The following GK5 variants were observed in gnomAD, a reference collection of about 807,000 sequenced individuals.
The protein encoded by GK5 is glycerol kinase 5.
GK5 carries 39 observed loss-of-function variants against 77.3 expected under a neutral mutation model. The ratio of observed to expected loss-of-function variants is 0.50; its 90% confidence interval spans 0.39 to 0.66. GK5 has a LOEUF of 0.66. Among genes scored for constraint, GK5 ranks in the 30% least tolerant of loss-of-function variants. The pLI is 0.00. For missense variants in GK5, 487 were observed against 633.8 expected (o/e 0.77, Z 2.49); for synonymous variants, 211 against 208.0 (o/e 1.01, Z -0.13).
intron 4 of GK5, 50 bp from the exon 5 acceptor site, chr3:142,198,983 A>G (rs547477227): frequency 1.4e-6 from 2 of 1,389,474 alleles, no homozygotes; most frequent in Non-Finnish European, 2.0e-6. Flanking sequence ...TAGTGTTTAA[A>G]ATTTCCACAT....
intron 1 of GK5, among the ~76,000 whole-genome samples, chr3:142,224,172 A>G (rs966926442): frequency 6.6e-6 from 1 of 152,120 alleles, no homozygotes; most frequent in Non-Finnish European, 1.5e-5. Context: ...AGGGAGGCCG[A>G]GGCGGGTGAA....
rs2063451251 is a variant in GK5 at position 142,164,374 on chromosome 3, T to C, written c.*1248A>G. On this transcript the variant is annotated 3_prime_UTR_variant, in exon 16 of 16. Coordinates refer to ENST00000392993, the MANE Select transcript of GK5 (RefSeq NM_001039547.3). ...AAATCCAAATGGAACCTAACCCAAA[T>C]GTAGGGAGGGGCAAATAAAGTGAAA... The C allele has an allele frequency of 6.6e-6, 1 of 152,090 alleles. No individual in the cohort carries two copies. Among genetic ancestry groups the C allele is most frequent in the Non-Finnish European group, 1.5e-5 (1 of 68,022 alleles). 9.4% of individuals were successfully genotyped at this position (152,090 alleles called of 1,614,324 possible). A position where few individuals can be genotyped will look rare whatever the true frequency, so the allele number is the denominator to read the frequency against.
chr3:142,207,956 T>C (rs1296227481), intron 3 of GK5, among the ~76,000 whole-genome samples: 2 of 152,314 alleles, frequency 1.3e-5, no homozygotes, highest in Middle Eastern at 6.8e-3. Context: ...ATGGTCACCA[T>C]TATCATGAGT....
chr3:142,187,829 G>T, intron 5 of GK5, 50 bp from the exon 6 acceptor site: 1 of 1,346,962 alleles, frequency 7.4e-7, no homozygotes, highest in Non-Finnish European at 1.1e-6. Flanking sequence ...AAATTACTAA[G>T]TGCATGATTA....
chr3:142,208,818 A>C (rs2064148094), intron 3 of GK5, among the ~76,000 whole-genome samples: 1 of 152,180 alleles, frequency 6.6e-6, no homozygotes, highest in Non-Finnish European at 1.5e-5. Flanking sequence ...ATAATCAATT[A>C]CTCAGTTGCT....
intron 3 of GK5, among the ~76,000 whole-genome samples, chr3:142,208,634 T>G (rs2064145371): frequency 6.6e-6 from 1 of 152,238 alleles, no homozygotes; most frequent in Non-Finnish European, 1.5e-5. Flanking sequence ...ATATAATTCT[T>G]CAGAGCCATT....
intron 1 of GK5, among the ~76,000 whole-genome samples, chr3:142,217,608 G>T (rs1385821967): frequency 6.6e-6 from 1 of 152,052 alleles, no homozygotes; most frequent in Admixed American, 6.6e-5. Context: ...ATCACTTGAG[G>T]GAAGTAACAG....
chr3:142,218,455 T>C (rs1241229700), intron 1 of GK5, among the ~76,000 whole-genome samples: 2 of 149,264 alleles, frequency 1.3e-5, no homozygotes, highest in Middle Eastern at 3.5e-3. Flanking sequence ...GGCAGGAGAA[T>C]TGCTTGAACC....
chr3:142,170,197 T>C (rs776412904), intron 15 of GK5, 128 bp downstream of exon 15: 9 of 926,746 alleles, frequency 9.7e-6, no homozygotes, highest in African/African-American at 3.2e-5. Context: ...AATATGCATA[T>C]GTGTATGGAG....
At chr3:142,178,175 T>A (rs539231434) in intron 11 of GK5, among the ~76,000 whole-genome samples, 1 of 152,272 alleles carries the variant, frequency 6.6e-6, no homozygotes, top group African/African-American at 2.4e-5. Context: ...CCTTTAAAGA[T>A]ATTTGGGCTG....
intron 5 of GK5, among the ~76,000 whole-genome samples, chr3:142,194,447 GC>G (rs2063902698): frequency 6.6e-6 from 1 of 151,798 alleles, no homozygotes; most frequent in Non-Finnish European, 1.5e-5. Context: ...AATCACTTGA[GC>G]CTGGGACGCA....
chr3:142,220,424 C>T (rs6799655), intron 1 of GK5, among the ~76,000 whole-genome samples: 1,947 of 152,268 alleles, frequency 0.013, 54 homozygotes, highest in African/African-American at 0.044. Flanking sequence ...CGTCAGCCAC[C>T]GCGTCTGGCA....
intron 10 of GK5, among the ~76,000 whole-genome samples, chr3:142,182,397 T>C (rs1381506809): frequency 6.6e-6 from 1 of 151,588 alleles, no homozygotes; most frequent in Non-Finnish European, 1.5e-5. Flanking sequence ...CAGGCTGGAG[T>C]GCAGTGGCGC....
rs2063440011 is a variant in GK5, at chr3:142,163,299, C to T, written c.*2323G>A. The T allele has an allele frequency of 6.9e-6, 1 of 145,680 alleles. No individual in the cohort carries two copies. The highest frequency in any genetic ancestry group is 2.2e-4 in the South Asian group (1 of 4,604). 9.0% of individuals were successfully genotyped at this position (145,680 alleles called of 1,614,324 possible). A position where few individuals can be genotyped will look rare whatever the true frequency, so the allele number is the denominator to read the frequency against. On this transcript the variant is annotated 3_prime_UTR_variant, in exon 16 of 16. Coordinates refer to ENST00000392993, the MANE Select transcript of GK5 (RefSeq NM_001039547.3). ...ATCCTTTTTTTTTTTTTTTGAGACGCAGTGTCGCTCTGTTGCCCAGGCTAC... is the reference window on the plus strand; with the variant it reads ...ATCCTTTTTTTTTTTTTTTGAGACGTAGTGTCGCTCTGTTGCCCAGGCTAC...
Position 142,158,741 on chromosome 3 carries a change from T to C in GK5, c.*6881A>G, listed in dbSNP as rs1343342691. The C allele has an allele frequency of 6.6e-6, 1 of 152,614 alleles. No individual in the cohort carries two copies. Among genetic ancestry groups the C allele is most frequent in the Non-Finnish European group, 1.5e-5 (1 of 68,034 alleles). The allele number at this position is 152,614 out of a possible 1,614,324, so 9.5% of individuals were successfully genotyped here. On this transcript the variant is annotated 3_prime_UTR_variant, in exon 16 of 16. Coordinates refer to ENST00000392993, the MANE Select transcript of GK5 (RefSeq NM_001039547.3). ...TTCTAATAACTTATTAACAAAATCA[T>C]TCTGAAACCTTTACACAAATCAGCC...
In GK5 at chr3:142,225,354, G is replaced by C; in HGVS notation, c.102C>G (p.His34Gln). 2 of 1,575,296 alleles carry C rather than the reference G, an allele frequency of 1.3e-6. No homozygotes were observed. Among genetic ancestry groups the C allele is most frequent in the Non-Finnish European group, 1.7e-6 (2 of 1,161,876 alleles). The part of the protein sequence containing the change: ...LDVGSSVIRC[H>Q]VYDRAARVCG... Reference sequence around the variant, plus strand: ...AGACCCGCGCCGCCCGGTCATAGACGTGGCAGCGGATCACAGAACTGCCCA... The same window carrying C: ...AGACCCGCGCCGCCCGGTCATAGACCTGGCAGCGGATCACAGAACTGCCCA... Residue 34 changes from histidine to glutamine, a missense_variant, in exon 1 of 16, where the codon CAC becomes CAG. Around this residue, in one of 4 missense-constraint regions of GK5, gnomAD observed 97 missense variants for 86.9 expected, o/e 1.12. Transcript: ENST00000392993.
intron 15 of GK5, among the ~76,000 whole-genome samples, chr3:142,168,323 AAGG>A (rs2063496563): frequency 2.6e-5 from 4 of 152,204 alleles, no homozygotes; most frequent in Admixed American, 6.5e-5. Context: ...TTGGAATATG[AAGG>A]AGTTCAAATT....
intron 1 of GK5, among the ~76,000 whole-genome samples, chr3:142,221,266 T>C (rs1202694594): frequency 6.6e-6 from 1 of 152,244 alleles, no homozygotes; most frequent in East Asian, 1.9e-4. Flanking sequence ...AATTAATACT[T>C]CTGCCCTTTC....
At chr3:142,193,677 G>A (rs1271168767) in intron 5 of GK5, among the ~76,000 whole-genome samples, 4 of 152,016 alleles carry the variant, frequency 2.6e-5, no homozygotes, top group Non-Finnish European at 5.9e-5. Context: ...TATATATTTT[G>A]TAGTTAAGCT....
Sources: gnomAD v4.1 joint callset for allele counts (sites outside exome capture counted in the v4.1 genomes callset) on GRCh38, gnomAD v4.1.1 for gene constraint, gnomAD v4.1.1 regional missense constraint, MANE v1.5 for transcripts, NCBI Gene and HGNC (gene_info 2026-07-23, HGNC 2026-07-21) for gene names.